The following POMT1 variants were observed in gnomAD, a reference collection of about 807,000 sequenced individuals.
POMT1 encodes protein O-mannosyltransferase 1.
Under a neutral mutation model 101.6 loss-of-function variants are expected in POMT1, and 85 were observed. The ratio of observed to expected loss-of-function variants is 0.84; its 90% confidence interval spans 0.70 to 1.00. The LOEUF is 1.00. Among genes scored for constraint, POMT1 ranks in the 50% least tolerant of loss-of-function variants. POMT1 has a pLI of 0.00. For synonymous variants in POMT1, 371 were observed against 383.0 expected (o/e 0.97, Z 0.37); for missense variants, 857 against 930.4 (o/e 0.92, Z 1.03).
In POMT1 at chr9:131,513,112, C is replaced by T. The variant is rs993393901; in HGVS notation, c.1083-127C>T. ...GTGCTTTGGTTTCCTGTGTTCACCT[C>T]ATGTGAGGCACACATGGGTTGGGAG... On this transcript the variant is annotated intron_variant, in intron 11 of 19. Transcript: ENST00000402686. 10 of 763,470 alleles carry T rather than the reference C, an allele frequency of 1.3e-5. No individual in the cohort carries two copies. In the African/African-American group the frequency reaches 1.4e-4, roughly 10 times the overall value. 47.3% of individuals were successfully genotyped at this position (763,470 alleles called of 1,614,324 possible).
intron 18 of POMT1, 70 bp from the exon 19 acceptor site, chr9:131,521,977 A>C (rs1325153349): frequency 2.5e-6 from 4 of 1,605,796 alleles, no homozygotes; most frequent in Non-Finnish European, 3.4e-6. Context: ...CTCTCTAAAA[A>C]AGCAAAAGAG....
chr9:131,511,796 T>C (rs953743792), intron 10 of POMT1: 6 of 585,034 alleles, frequency 1.0e-5, no homozygotes, highest in Admixed American at 3.0e-5. Flanking sequence ...TGAAATCTGC[T>C]TCCCTTTGCA....
chr9:131,521,477 G>A lies in POMT1; in HGVS notation c.1825+5G>A. The A allele has an allele frequency of 1.2e-6, 2 of 1,613,798 alleles. No homozygotes were observed. Among genetic ancestry groups the A allele is most frequent in the Non-Finnish European group, 8.5e-7 (1 of 1,179,826 alleles). ...ATGTCCATGACCTCCCTCAGGGTTA[G>A]TACCTCTCCCACATGGCTTTCTTTC... On this transcript the variant is annotated splice_donor_5th_base_variant and intron_variant, in intron 18 of 19. Coordinates refer to ENST00000402686, the MANE Select transcript of POMT1 (RefSeq NM_001077365.2).
intron 9 of POMT1, chr9:131,511,010 T>C (rs1302752711): frequency 1.5e-4 from 43 of 292,076 alleles, no homozygotes; most frequent in Non-Finnish European, 5.2e-5. Flanking sequence ...AGCAAGTTGT[T>C]TGGCTCACCC....
In POMT1 at chr9:131,506,458, AAG is replaced by A. The variant is rs561658895; in HGVS notation, c.280+7_280+8del. 333 of 1,608,554 alleles carry A rather than the reference AAG, an allele frequency of 2.1e-4. 5 individuals carry two copies. In the South Asian group the frequency reaches 3.4e-3, roughly 17 times the overall value. ...TGTGGAACAGAATTGGAGCAGGTAAAAGATAATTTTCATTTCCCTTTTAATGT... is the reference window on the plus strand; with the variant it reads ...TGTGGAACAGAATTGGAGCAGGTAAAATAATTTTCATTTCCCTTTTAATGT... On this transcript the variant is annotated splice_donor_region_variant and intron_variant, in intron 4 of 19. Coordinates refer to ENST00000402686, the MANE Select transcript of POMT1 (RefSeq NM_001077365.2).
chr9:131,518,223 G>A (rs749018419), intron 13 of POMT1: 7 of 651,628 alleles, frequency 1.1e-5, no homozygotes, highest in Admixed American at 6.6e-5. Flanking sequence ...CGGCCTTGGC[G>A]AGGAGGAGGG....
intron 17 of POMT1, among the ~76,000 whole-genome samples, chr9:131,520,511 G>A (rs1949706474): frequency 6.6e-6 from 1 of 152,202 alleles, no homozygotes; most frequent in Admixed American, 6.5e-5. Flanking sequence ...GGAGCTTACC[G>A]GTGCTTTGCT....
chr9:131,507,280 T>C, intron 4 of POMT1, 88 bp from the exon 5 acceptor site: 1 of 1,593,814 alleles, frequency 6.3e-7, no homozygotes, highest in African/African-American at 1.3e-5. Flanking sequence ...TCTGTGAACA[T>C]GACGGCGCTA....
In POMT1 at chr9:131,506,227, G is replaced by A; in HGVS notation, c.229+7G>A. On this transcript the variant is annotated splice_region_variant and intron_variant, in intron 3 of 19. Transcript: ENST00000402686. ...ATGGTGCTGGCCTTGGGAGGTAGGA[G>A]TCATCAGGAGAGTAGCCCCTACCCT... 1 of 1,612,950 alleles carries A rather than the reference G, an allele frequency of 6.2e-7. No individual in the cohort carries two copies. Among genetic ancestry groups the A allele is most frequent in the Non-Finnish European group, 8.5e-7 (1 of 1,178,928 alleles).
At chr9:131,521,313 A>C (rs1277291020) in intron 17 of POMT1, 33 bp from the exon 18 acceptor site, 1 of 1,613,906 alleles carries the variant, frequency 6.2e-7, no homozygotes. Context: ...AGCAGAGGGC[A>C]GGTGGCTAAC....
intron 14 of POMT1, 25 bp downstream of exon 14, chr9:131,518,562 C>T (rs1949230664): frequency 6.3e-7 from 1 of 1,593,706 alleles, no homozygotes; most frequent in Non-Finnish European, 8.6e-7. Flanking sequence ...CGTGGCTTGG[C>T]CTGTCCTGAG....
intron 2 of POMT1, among the ~76,000 whole-genome samples, chr9:131,505,074 C>T (rs563428875): frequency 3.6e-4 from 15 of 41,342 alleles, no homozygotes; most frequent in African/African-American, 7.8e-4. Context: ...CTCCGCCCTG[C>T]TGCATGTTCT....
chr9:131,511,475 G>A lies in POMT1; in HGVS notation c.986+8G>A. On this transcript the variant is annotated splice_region_variant and intron_variant, in intron 10 of 19. Transcript: ENST00000402686. Reference sequence around the variant, plus strand: ...GGACACCTACCCCATGATGTAAGGTGATGGTTTTACTTTGAAGATAATTAA... The same window carrying A: ...GGACACCTACCCCATGATGTAAGGTAATGGTTTTACTTTGAAGATAATTAA... 6.2e-7 allele frequency: 1 copy of A among 1,614,098 alleles called. No individual in the cohort carries two copies. Among genetic ancestry groups the A allele is most frequent in the South Asian group, 1.1e-5 (1 of 91,084 alleles).
At chr9:131,509,591 C>T in intron 6 of POMT1, 152 bp from the exon 7 acceptor site, 1 of 1,476,362 alleles carries the variant, frequency 6.8e-7, no homozygotes, top group South Asian at 1.2e-5. Context: ...GGGATGGATA[C>T]TTTGGGAGAT....
At chr9:131,506,628 A>G in intron 4 of POMT1, 175 bp downstream of exon 4, 1 of 679,474 alleles carries the variant, frequency 1.5e-6, no homozygotes, top group Non-Finnish European at 2.6e-6. Context: ...TACAAATGAA[A>G]GACTTCTGGA....
At chr9:131,507,610 C>T in intron 5 of POMT1, 96 bp downstream of exon 5, 1 of 1,540,174 alleles carries the variant, frequency 6.5e-7, no homozygotes, top group Admixed American at 1.7e-5. Flanking sequence ...CGAGCTGCAC[C>T]AGAAAGTGCA....
chr9:131,514,365 G>T (rs1239142288), intron 12 of POMT1, among the ~76,000 whole-genome samples: 1 of 152,188 alleles, frequency 6.6e-6, no homozygotes, highest in Non-Finnish European at 1.5e-5. Context: ...GCCCCTTGGG[G>T]GCTTCACACT....
intron 12 of POMT1, 134 bp from the exon 13 acceptor site, chr9:131,515,292 A>G: frequency 1.2e-6 from 1 of 864,268 alleles, no homozygotes; most frequent in Non-Finnish European, 2.0e-6. Context: ...GCAGCAACTC[A>G]TGGGACTGGG....
In POMT1 at chr9:131,506,347, A is replaced by C. The variant is rs947641270; in HGVS notation, c.230-56A>C. 3 of 1,574,892 alleles carry C rather than the reference A, an allele frequency of 1.9e-6. No homozygotes were observed. The African/African-American group carries it at 4.1e-5, about 21-fold the overall frequency. On this transcript the variant is annotated intron_variant, in intron 3 of 19. Transcript: ENST00000402686. ...ATGCATCTTGTTTATTGCTTGCCAC[A>C]GTACTCTAGAAATATTTGCTGAATG...
Sources: allele counts gnomAD v4.1 joint callset (sites outside exome capture counted in the v4.1 genomes callset), GRCh38; gene constraint gnomAD v4.1.1; transcripts MANE v1.5; gene names NCBI Gene and HGNC (gene_info 2026-07-23, HGNC 2026-07-21).